The following VTI1A variants were observed in gnomAD, a reference collection of about 807,000 sequenced individuals.
VTI1A encodes vesicle transport through interaction with t-SNAREs homolog 1A.
In VTI1A, 22 loss-of-function variants were observed where a neutral mutation model predicts 34.9. The ratio of observed to expected loss-of-function variants is 0.63; its 90% confidence interval spans 0.45 to 0.90. The LOEUF (loss-of-function observed/expected upper bound fraction) is 0.90, where lower values mean the gene tolerates loss of function less well. VTI1A is among the 40% of genes least tolerant of loss of function. The pLI, the probability that VTI1A is intolerant of heterozygous loss-of-function variation, is 0.00. For synonymous variants in VTI1A, 87 were observed against 97.3 expected (o/e 0.89, Z 0.62); for missense variants, 268 against 275.6 (o/e 0.97, Z 0.20).
chr10:112,841,072 CTG>C, the VTI1A span, among the ~76,000 whole-genome samples: 1 of 152,278 alleles, frequency 6.6e-6, no homozygotes, highest in South Asian at 2.1e-4. Context: ...GTTCAGAAAA[CTG>C]TTCAGGAGGA....
chr10:112,631,852 C>T (rs1344412695), intron 5 of VTI1A, among the ~76,000 whole-genome samples: 1 of 152,182 alleles, frequency 6.6e-6, no homozygotes, highest in Non-Finnish European at 1.5e-5. Flanking sequence ...AAGATTTGCA[C>T]TCTTTAGCCC....
At chr10:112,679,493 G>A (rs1476824783) in intron 7 of VTI1A, among the ~76,000 whole-genome samples, 2 of 151,866 alleles carry the variant, frequency 1.3e-5, no homozygotes, top group East Asian at 3.9e-4. Flanking sequence ...GAGGTGTCAC[G>A]ATTTTTTTTT....
intron 7 of VTI1A, among the ~76,000 whole-genome samples, chr10:112,692,520 C>G (rs906213116): frequency 6.6e-6 from 1 of 152,156 alleles, no homozygotes; most frequent in African/African-American, 2.4e-5. Context: ...CACTGACCTA[C>G]CTTATTTCCC....
chr10:112,640,750 C>G (rs1304146901), intron 5 of VTI1A, among the ~76,000 whole-genome samples: 5 of 152,142 alleles, frequency 3.3e-5, no homozygotes, highest in African/African-American at 1.2e-4. Flanking sequence ...TATCATTTGG[C>G]AGCTGTTGAA....
At chr10:112,727,335 G>C (rs1214701509) in intron 7 of VTI1A, among the ~76,000 whole-genome samples, 1 of 152,030 alleles carries the variant, frequency 6.6e-6, no homozygotes. Context: ...CATAGAGTTG[G>C]TATTCAGTAA....
intron 7 of VTI1A, among the ~76,000 whole-genome samples, chr10:112,787,671 A>G (rs1852328318): frequency 6.8e-6 from 1 of 146,352 alleles, no homozygotes; most frequent in African/African-American, 2.5e-5. Context: ...GACTTACCAA[A>G]TTAGTTTCTT....
intron 5 of VTI1A, among the ~76,000 whole-genome samples, chr10:112,657,329 T>G (rs1174841619): frequency 6.6e-6 from 1 of 151,938 alleles, no homozygotes; most frequent in Non-Finnish European, 1.5e-5. Flanking sequence ...ATATCTATAC[T>G]TTCTTCTCCT....
chr10:112,830,832 TA>T, the VTI1A span, among the ~76,000 whole-genome samples: 1 of 45,798 alleles, frequency 2.2e-5, no homozygotes, highest in African/African-American at 8.4e-5. Flanking sequence ...CATATATATA[TA>T]TATATATATA....
chr10:112,579,235 T>G (rs911447466), intron 5 of VTI1A, among the ~76,000 whole-genome samples: 12 of 152,346 alleles, frequency 7.9e-5, no homozygotes, highest in Admixed American at 2.6e-4. Flanking sequence ...TAGGAAAACC[T>G]TAACCCATTC....
chr10:112,791,065 G>A (rs903891613), intron 7 of VTI1A, among the ~76,000 whole-genome samples: 3 of 152,104 alleles, frequency 2.0e-5, no homozygotes, highest in Non-Finnish European at 2.9e-5. Flanking sequence ...GGGTGTAACT[G>A]CCAGGATCCC....
At chr10:112,592,583 C>T (rs1844434829) in intron 5 of VTI1A, among the ~76,000 whole-genome samples, 1 of 152,230 alleles carries the variant, frequency 6.6e-6, no homozygotes, top group African/African-American at 2.4e-5. Context: ...CTGACCAAAT[C>T]ACAGCACTTG....
chr10:112,826,681 C>G, the VTI1A span: 1 of 152,282 alleles, frequency 6.6e-6, no homozygotes, highest in East Asian at 1.9e-4. Flanking sequence ...TAGAGACATC[C>G]TCCTTTTGGG....
chr10:112,596,345 G>C (rs545767412), intron 5 of VTI1A, among the ~76,000 whole-genome samples: 2 of 152,068 alleles, frequency 1.3e-5, no homozygotes, highest in Non-Finnish European at 2.9e-5. Flanking sequence ...ATTTAATATA[G>C]TATGAAGACT....
At chr10:112,752,949 A>G (rs971598880) in intron 7 of VTI1A, among the ~76,000 whole-genome samples, 1 of 152,136 alleles carries the variant, frequency 6.6e-6, no homozygotes, top group African/African-American at 2.4e-5. Context: ...CTCCGAAGCT[A>G]CATTTTACAA....
At chr10:112,751,139 G>A (rs74365867) in intron 7 of VTI1A, among the ~76,000 whole-genome samples, 8 of 152,286 alleles carry the variant, frequency 5.3e-5, no homozygotes, top group East Asian at 3.9e-4. Context: ...GTAGAATAAC[G>A]TCAGTGCTTG....
At chr10:112,630,828 A>G (rs1485601376) in intron 5 of VTI1A, among the ~76,000 whole-genome samples, 1 of 152,190 alleles carries the variant, frequency 6.6e-6, no homozygotes, top group East Asian at 1.9e-4. Context: ...ATATGTAACA[A>G]TATAAGAAGG....
intron 7 of VTI1A, among the ~76,000 whole-genome samples, chr10:112,780,297 TA>T (rs908494462): frequency 1.4e-5 from 2 of 145,054 alleles, no homozygotes; most frequent in African/African-American, 5.3e-5. Flanking sequence ...AATAAATAAA[TA>T]AATAAATAAA....
At chr10:112,529,100 G>A (rs931616930) in intron 4 of VTI1A, among the ~76,000 whole-genome samples, 2 of 152,056 alleles carry the variant, frequency 1.3e-5, no homozygotes, top group East Asian at 3.8e-4. Context: ...GAAAGTGCTT[G>A]GAGAACCTGA....
chr10:112,524,344 G>A (rs911048949), intron 3 of VTI1A, among the ~76,000 whole-genome samples: 4 of 151,926 alleles, frequency 2.6e-5, no homozygotes, highest in African/African-American at 9.7e-5. Flanking sequence ...TTGTTGTGTC[G>A]TGCTCATGAG....
Sources: allele counts gnomAD v4.1 joint callset (sites outside exome capture counted in the v4.1 genomes callset), GRCh38; gene constraint gnomAD v4.1.1; transcripts MANE v1.5; gene names NCBI Gene and HGNC (gene_info 2026-07-23, HGNC 2026-07-21).